Variants in ROBO2 observed in about 807,000 individuals in gnomAD.
ROBO2 encodes roundabout homolog 2.
In ROBO2, 53 loss-of-function variants were observed where a neutral mutation model predicts 160.8. The observed-to-expected ratio is 0.33, with a 90% CI of 0.26 to 0.41. The LOEUF (loss-of-function observed/expected upper bound fraction) is 0.41. Ranked by LOEUF, ROBO2 falls within the 10% of genes least tolerant of loss-of-function variation. The pLI is 1.00. For missense variants in ROBO2, 1,577 were observed against 1,722.4 expected, an observed-to-expected ratio of 0.92 and a Z score of 1.49; for synonymous variants, 664 against 611.7, an observed-to-expected ratio of 1.09 and a Z score of -1.26.
At chr3:77,518,186 AATAGACCCCT>A (rs1168837632) in intron 5 of ROBO2, among the ~76,000 whole-genome samples, 2 of 151,586 alleles carry the variant, frequency 1.3e-5, no homozygotes, top group South Asian at 2.1e-4. Flanking sequence ...TCAAAGATAG[AATAGACCCCT>A]TGTCACAGGA....
intron 2 of ROBO2, among the ~76,000 whole-genome samples, chr3:76,247,920 G>A (rs550783635): frequency 3.2e-4 from 48 of 151,812 alleles, no homozygotes; most frequent in South Asian, 2.5e-3. Context: ...TCAGAGAAAT[G>A]CAAATCAAAA....
intron 5 of ROBO2, among the ~76,000 whole-genome samples, chr3:77,519,009 G>A (rs1346592094): frequency 6.6e-6 from 1 of 151,268 alleles, no homozygotes; most frequent in Non-Finnish European, 1.5e-5. Context: ...CTGTTCTATA[G>A]GTAGAAAAAA....
intron 2 of ROBO2, among the ~76,000 whole-genome samples, chr3:76,641,037 T>C (rs186838804): frequency 6.6e-6 from 1 of 152,260 alleles, no homozygotes; most frequent in East Asian, 1.9e-4. Flanking sequence ...ATAAAAATAT[T>C]CTAATCAATA....
intron 2 of ROBO2, among the ~76,000 whole-genome samples, chr3:77,134,638 T>C (rs2076130013): frequency 6.6e-6 from 1 of 152,200 alleles, no homozygotes; most frequent in Non-Finnish European, 1.5e-5. Context: ...TCTTTACCTG[T>C]CAACACTTCT....
At chr3:77,462,412 T>C (rs541907817) in intron 2 of ROBO2, among the ~76,000 whole-genome samples, 16 of 152,324 alleles carry the variant, frequency 1.1e-4, no homozygotes, top group African/African-American at 3.8e-4. Flanking sequence ...TTAGTTGAAT[T>C]GTACACTTTG....
intron 2 of ROBO2, among the ~76,000 whole-genome samples, chr3:76,688,897 G>A (rs1409827176): frequency 6.6e-6 from 1 of 151,822 alleles, no homozygotes; most frequent in Admixed American, 6.6e-5. Flanking sequence ...GTCTATCTAT[G>A]AGTGATGTCT....
chr3:76,549,501 G>T (rs2083296409), intron 2 of ROBO2, among the ~76,000 whole-genome samples: 1 of 152,152 alleles, frequency 6.6e-6, no homozygotes, highest in Admixed American at 6.5e-5. Flanking sequence ...TCTGGTGATA[G>T]AATTTTTAAA....
upstream of ROBO2, among the ~76,000 whole-genome samples, chr3:77,039,377 G>T (rs1490703574): frequency 1.3e-5 from 2 of 152,194 alleles, no homozygotes; most frequent in African/African-American, 4.8e-5. Context: ...CTGGGTCCTG[G>T]AGGCTGATCT....
rs1312484270 is a variant in ROBO2, at chr3:75,944,088, T to C, written c.109+6486T>C. Among the ~76,000 whole-genome samples, 4 of 152,080 alleles carry C rather than the reference T, an allele frequency of 2.6e-5. No homozygotes were observed. In the East Asian group the frequency reaches 5.8e-4, roughly 22 times the overall value. ...CTGTATACGAAATTTTTTCTAGGACTTTCCTGCCAGAAAAGTAGGAATAGA... is the reference window on the plus strand; with the variant it reads ...CTGTATACGAAATTTTTTCTAGGACCTTCCTGCCAGAAAAGTAGGAATAGA... On this transcript the variant is annotated intron_variant, in intron 2 of 26. Transcript: ENST00000487694.
chr3:76,040,216 C>T (rs2067238442), intron 2 of ROBO2, among the ~76,000 whole-genome samples: 1 of 151,662 alleles, frequency 6.6e-6, no homozygotes, highest in South Asian at 2.1e-4. Flanking sequence ...AAATGTAAAA[C>T]ATTTTTAAAT....
rs2077971992 is a variant in ROBO2 at position 76,459,558 on chromosome 3, T to C, written c.109+521956T>C. ...ACTTTATTCAGCCTCAATGTTCATATTGCATTGCGTGGTATAGCAAATAGC... is the reference window on the plus strand; with the variant it reads ...ACTTTATTCAGCCTCAATGTTCATACTGCATTGCGTGGTATAGCAAATAGC... On this transcript the variant is annotated intron_variant, in intron 2 of 26. Coordinates refer to the ROBO2 transcript ENST00000487694. 2.6e-5 allele frequency among the ~76,000 whole-genome samples: 4 copies of C among 152,212 alleles called. No homozygotes were observed. In the South Asian group the frequency reaches 8.3e-4, roughly 31 times the overall value.
chr3:76,118,418 A>G lies in ROBO2; in HGVS notation c.109+180816A>G, dbSNP rs1345838212. ...TAGCTCACTAAAGCATTATCCTCAT[A>G]TTATTCTGATACTTAGTATGGAAAA... On this transcript the variant is annotated intron_variant, in intron 2 of 26. Coordinates refer to the ROBO2 transcript ENST00000487694. Among the ~76,000 whole-genome samples, 3 of 152,172 alleles carry G rather than the reference A, an allele frequency of 2.0e-5. No individual in the cohort carries two copies. In the East Asian group the frequency reaches 5.8e-4, roughly 29 times the overall value.
intron 2 of ROBO2, among the ~76,000 whole-genome samples, chr3:77,168,074 T>A (rs902522744): frequency 2.6e-5 from 4 of 152,202 alleles, no homozygotes; most frequent in Non-Finnish European, 4.4e-5. Context: ...TCTCATAAAG[T>A]TGATTCTACA....
intron 2 of ROBO2, among the ~76,000 whole-genome samples, chr3:76,597,519 G>T (rs565160880): frequency 6.6e-6 from 1 of 151,888 alleles, no homozygotes; most frequent in Admixed American, 6.6e-5. Context: ...TCAACATCTT[G>T]TCATCAGAGA....
At chr3:76,965,782 T>A (rs1408386198) in intron 2 of ROBO2, among the ~76,000 whole-genome samples, 2 of 118,708 alleles carry the variant, frequency 1.7e-5, no homozygotes, top group Non-Finnish European at 3.4e-5. Context: ...TTATTGTGTT[T>A]GTGTATATAT....
At chr3:76,797,170 A>C (rs2108796859) in intron 2 of ROBO2, among the ~76,000 whole-genome samples, 1 of 152,314 alleles carries the variant, frequency 6.6e-6, no homozygotes, top group Non-Finnish European at 1.5e-5. Flanking sequence ...CACATGGATA[A>C]GTCTCAAGAA....
intron 2 of ROBO2, among the ~76,000 whole-genome samples, chr3:77,247,460 G>C (rs1434211339): frequency 6.6e-6 from 1 of 152,196 alleles, no homozygotes; most frequent in Non-Finnish European, 1.5e-5. Flanking sequence ...TCTACACGTG[G>C]AGGCTCAATA....
intron 2 of ROBO2, among the ~76,000 whole-genome samples, chr3:76,078,454 C>A (rs2068714085): frequency 6.6e-6 from 1 of 152,118 alleles, no homozygotes; most frequent in Admixed American, 6.5e-5. Flanking sequence ...CAGCCTTGAC[C>A]TCCTAGGCTC....
chr3:76,067,268 A>C (rs1271774784), intron 2 of ROBO2, among the ~76,000 whole-genome samples: 1 of 152,234 alleles, frequency 6.6e-6, no homozygotes, highest in African/African-American at 2.4e-5. Flanking sequence ...CATCTGTTGT[A>C]TGATTAATTA....
Sources: allele counts gnomAD v4.1 joint callset (sites outside exome capture counted in the v4.1 genomes callset), GRCh38; gene constraint gnomAD v4.1.1; transcripts MANE v1.5; gene names NCBI Gene and HGNC (gene_info 2026-07-23, HGNC 2026-07-21).